The following NCLN variants were observed in gnomAD, a reference collection of about 807,000 sequenced individuals.
The protein encoded by NCLN is nicalin, also known as BOS complex subunit NCLN.
Under a neutral mutation model 69.5 loss-of-function variants are expected in NCLN, and 34 were observed. The ratio of observed to expected loss-of-function variants is 0.49; its 90% CI spans 0.37 to 0.65. The LOEUF (loss-of-function observed/expected upper bound fraction) is 0.65. Ranked by LOEUF, NCLN falls within the 30% of genes least tolerant of loss-of-function variation. NCLN has a pLI of 0.00. For synonymous variants in NCLN, 393 were observed against 358.3 expected, an observed-to-expected ratio of 1.10 and a Z score of -1.09; for missense variants, 710 against 804.8, an observed-to-expected ratio of 0.88 and a Z score of 1.42.
At chr19:3,194,335 G>A (rs113059726) in intron 3 of NCLN, among the ~76,000 whole-genome samples, 2,589 of 152,146 alleles carry the variant, frequency 0.017, 67 homozygotes, top group African/African-American at 0.06. Context: ...GTGAGCTGAG[G>A]TCACACCATT....
chr19:3,206,566 G>A (rs1916278441), intron 12 of NCLN, 141 bp downstream of exon 12: 4 of 1,168,346 alleles, frequency 3.4e-6, no homozygotes, highest in Non-Finnish European at 4.7e-6. Flanking sequence ...GCCGGACACG[G>A]CGGCTGTGCC....
rs1277077231 is a variant in NCLN at position 3,207,139 on chromosome 19, C to A, written c.1500-59C>A. On this transcript the variant is annotated intron_variant, in intron 12 of 14. Coordinates refer to ENST00000246117, the MANE Select transcript of NCLN (RefSeq NM_020170.4). ...GTGCCCAGTCTCCATCTCTACAAACCCTTTTTTAAGAATTAGCTGGGCGCA... is the reference window on the plus strand; with the variant it reads ...GTGCCCAGTCTCCATCTCTACAAACACTTTTTTAAGAATTAGCTGGGCGCA... 1.4e-5 allele frequency: 22 copies of A among 1,594,370 alleles called. No homozygotes were observed. The East Asian group carries it at 4.9e-4, about 36-fold the overall frequency.
Position 3,208,101 on chromosome 19 carries a change from A to G in NCLN, c.*413A>G, listed in dbSNP as rs2144923260. 5.0e-6 allele frequency: 1 copy of G among 200,266 alleles called. No individual in the cohort carries two copies. The highest frequency in any genetic ancestry group is 1.4e-4 in the East Asian group (1 of 7,202). 12.4% of individuals were successfully genotyped at this position (200,266 alleles called of 1,614,324 possible). A position where few individuals can be genotyped will look rare whatever the true frequency, so the allele number is the denominator to read the frequency against. ...GCAAGGGGCCTGGACTGCAGGCCTG[A>G]CCTGCTCCCTGCTCCGTGTCTGTCC... On this transcript the variant is annotated 3_prime_UTR_variant, in exon 15 of 15. Coordinates refer to ENST00000246117, the MANE Select transcript of NCLN (RefSeq NM_020170.4).
chr19:3,200,957 TGGCCTTGGGAC>T (rs1314461990), intron 5 of NCLN, among the ~76,000 whole-genome samples: 4 of 152,216 alleles, frequency 2.6e-5, no homozygotes, highest in Non-Finnish European at 5.9e-5. Context: ...TTATATGCTG[TGGCCTTGGGAC>T]GGTCCCAAGC....
At chr19:3,198,258 G>C (rs1245079216) in intron 4 of NCLN, among the ~76,000 whole-genome samples, 3 of 152,080 alleles carry the variant, frequency 2.0e-5, no homozygotes, top group Non-Finnish European at 4.4e-5. Context: ...TGTAATCCCA[G>C]CACTTTGGGA....
Position 3,201,622 on chromosome 19 carries a change from G to A in NCLN, c.796G>A (p.Ala266Thr). 1.4e-5 allele frequency: 21 copies of A among 1,536,728 alleles called. No homozygotes were observed. Among genetic ancestry groups the A allele is most frequent in the Non-Finnish European group, 1.7e-5 (19 of 1,146,296 alleles). ...GCTCTACACCTACAAGCGCACGCAC[G>A]CCGCGTGAGTGCCGGGGTGGGCAGG... ...SRLYTYKRTHAAYNLLFFASG... is the reference protein window; with the variant it reads ...SRLYTYKRTHTAYNLLFFASG... Residue 266 changes from alanine to threonine, a missense_variant, in exon 6 of 15, where the codon GCC (alanine) becomes ACC (threonine). Physicochemically the swap from Ala to Thr is moderately conservative, Grantham distance 58 (BLOSUM62 0). Coordinates refer to ENST00000246117, the MANE Select transcript of NCLN (RefSeq NM_020170.4).
chr19:3,194,170 A>G (rs1434662104), intron 3 of NCLN, among the ~76,000 whole-genome samples: 1 of 152,170 alleles, frequency 6.6e-6, no homozygotes, highest in Non-Finnish European at 1.5e-5. Flanking sequence ...CCCTGAGGTC[A>G]GGAGTTCGAG....
At chr19:3,198,615 C>T (rs10411478) in intron 4 of NCLN, among the ~76,000 whole-genome samples, 5 of 152,250 alleles carry the variant, frequency 3.3e-5, no homozygotes, top group South Asian at 2.1e-4. Flanking sequence ...TCCCTGTTCC[C>T]GGCTCTACCT....
chr19:3,203,847 G>C lies in NCLN; in HGVS notation c.889+3G>C. The C allele has an allele frequency of 6.2e-7, 1 of 1,612,008 alleles. No homozygotes were observed. ...GGAAGACAACCTGGACCACACAGGT[G>C]AGCGGCCCCGGGTGGGGGTGGGGGT... On this transcript the variant is annotated splice_donor_region_variant and intron_variant, in intron 7 of 14. Coordinates refer to ENST00000246117, the MANE Select transcript of NCLN (RefSeq NM_020170.4).
intron 4 of NCLN, among the ~76,000 whole-genome samples, chr19:3,198,281 C>T (rs1010463337): frequency 2.3e-4 from 35 of 152,086 alleles, no homozygotes; most frequent in African/African-American, 7.9e-4. Context: ...CCGAGGTGGG[C>T]GGATCATGAG....
At chr19:3,196,687 C>T (rs1438498868) in intron 4 of NCLN, among the ~76,000 whole-genome samples, 6 of 152,210 alleles carry the variant, frequency 3.9e-5, no homozygotes, top group Non-Finnish European at 5.9e-5. Context: ...CAGACCCTTC[C>T]GAGCACCCCG....
chr19:3,192,651 C>T lies in NCLN; in HGVS notation c.366C>T (p.Asp122=), dbSNP rs768825610. 12 of 1,558,636 alleles carry T rather than the reference C, an allele frequency of 7.7e-6. No homozygotes were observed. The South Asian group carries it at 8.2e-5, about 11-fold the overall frequency. ...GGGCCATGGCCGCCGTGCCCCAGGA[C>T]GTCGTCCGGGTGAGCGTCTGCCCTG... The part of the protein sequence containing the change: ...LPRAMAAVPQ[D]VVRQFMEIEP... Residue 122 remains aspartate, a synonymous_variant, in exon 2 of 15, where the codon GAC becomes GAT. Coordinates refer to ENST00000246117, the MANE Select transcript of NCLN (RefSeq NM_020170.4).
intron 1 of NCLN, among the ~76,000 whole-genome samples, chr19:3,187,334 C>T (rs898975462): frequency 6.6e-6 from 1 of 152,178 alleles, no homozygotes; most frequent in Non-Finnish European, 1.5e-5. Flanking sequence ...AGCCTGGCCC[C>T]TCAGGTCCCT....
At position 3,208,963 on chromosome 19, in the gene NCLN, A is replaced by G. The variant is rs997962835; in HGVS notation, c.*1275A>G. The G allele has an allele frequency of 1.3e-5, 2 of 152,322 alleles. No individual in the cohort carries two copies. Among genetic ancestry groups the G allele is most frequent in the African/African-American group, 4.8e-5 (2 of 41,450 alleles). The allele number at this position is 152,322 out of a possible 1,614,324, so 9.4% of individuals were successfully genotyped here. On this transcript the variant is annotated 3_prime_UTR_variant, in exon 15 of 15. Transcript: ENST00000246117. ...ACCCCGGTGTGTCCGTTCTTTAGCAATATAACCTACCCAGTGCGTGCCGAG... is the reference window on the plus strand; with the variant it reads ...ACCCCGGTGTGTCCGTTCTTTAGCAGTATAACCTACCCAGTGCGTGCCGAG...
intron 5 of NCLN, among the ~76,000 whole-genome samples, chr19:3,201,187 T>A (rs926902833): frequency 6.6e-6 from 1 of 152,194 alleles, no homozygotes; most frequent in Non-Finnish European, 1.5e-5. Flanking sequence ...GAATCTGGCC[T>A]GGCCCTGGGC....
At chr19:3,195,925 C>T (rs1046396607) in intron 3 of NCLN, among the ~76,000 whole-genome samples, 4 of 152,120 alleles carry the variant, frequency 2.6e-5, no homozygotes, top group Non-Finnish European at 4.4e-5. Context: ...ATTGAGGGCC[C>T]GGGAGGAAAG....
At chr19:3,196,537 C>A (rs1190071362) in intron 4 of NCLN, among the ~76,000 whole-genome samples, 1 of 152,144 alleles carries the variant, frequency 6.6e-6, no homozygotes, top group South Asian at 2.1e-4. Context: ...CATCATGGAC[C>A]CCCACACACC....
At chr19:3,195,331 G>T (rs991763394) in intron 3 of NCLN, among the ~76,000 whole-genome samples, 1 of 151,676 alleles carries the variant, frequency 6.6e-6, no homozygotes, top group Non-Finnish European at 1.5e-5. Flanking sequence ...CTCACTGCAA[G>T]CTCCACCTCC....
intron 13 of NCLN, 68 bp from the exon 14 acceptor site, chr19:3,207,323 G>C: frequency 6.2e-7 from 1 of 1,612,104 alleles, no homozygotes; most frequent in Non-Finnish European, 8.5e-7. Flanking sequence ...TGCGGCCCAC[G>C]GGGGTCTAGG....
Sources: allele counts gnomAD v4.1 joint callset (sites outside exome capture counted in the v4.1 genomes callset), GRCh38; gene constraint gnomAD v4.1.1; transcripts MANE v1.5; gene names NCBI Gene and HGNC (gene_info 2026-07-23, HGNC 2026-07-21).